LMO3: variants seen among roughly 807,000 people sequenced by gnomAD.
LMO3 encodes LIM domain only 3.
In LMO3, 2 loss-of-function variants were observed where a neutral mutation model predicts 15.8. The observed-to-expected ratio is 0.13, with a 90% confidence interval of 0.05 to 0.40. The LOEUF (loss-of-function observed/expected upper bound fraction) is 0.40. LMO3 is among the 10% of genes least tolerant of loss of function. The pLI, the probability that LMO3 is intolerant of heterozygous loss-of-function variation, is 0.99. For synonymous variants in LMO3, 62 were observed against 63.8 expected, an observed-to-expected ratio of 0.97 and a Z score of 0.13; for missense variants, 86 against 182.2, an observed-to-expected ratio of 0.47 and a Z score of 3.04.
At chr12:16,573,418 T>A (rs982117741) in intron 2 of LMO3, 2 of 152,174 alleles carry the variant, frequency 1.3e-5, no homozygotes, top group African/African-American at 4.8e-5. Context: ...TTAAAAGATA[T>A]TTGAACGCGT....
chr12:16,583,765 T>G (rs1453179461), intron 2 of LMO3, among the ~76,000 whole-genome samples: 1 of 152,012 alleles, frequency 6.6e-6, no homozygotes, highest in East Asian at 1.9e-4. Context: ...GGAGCAGTGG[T>G]GAAAATTGAG....
In LMO3 at chr12:16,606,092, G is replaced by A; in HGVS notation, c.-35C>T. On this transcript the variant is annotated 5_prime_UTR_variant, in exon 1 of 4. Transcript: ENST00000537304. ...TTCTCAATTAAGCGATACAGGGGGA[G>A]GCCGTTCAGTAAGCACAGTGGCTGC... The A allele has an allele frequency of 2.3e-6, 1 of 434,430 alleles. No homozygotes were observed. The highest frequency in any genetic ancestry group is 4.1e-6 in the Non-Finnish European group (1 of 241,618). 26.9% of individuals were successfully genotyped at this position (434,430 alleles called of 1,614,324 possible).
rs764774588 is a variant in LMO3, at chr12:16,600,827, C to T, written c.34G>A (p.Gly12Ser). 7 of 1,613,978 alleles carry T rather than the reference C, an allele frequency of 4.3e-6. No homozygotes were observed. In the East Asian group the frequency reaches 1.6e-4, roughly 36 times the overall value. Residue 12 changes from glycine (G) to serine (S), a missense_variant, in exon 2 of 4, where the codon GGT (glycine) becomes AGT (serine). Gly to Ser is a moderately conservative substitution (Grantham distance 56). Transcript: ENST00000537304. ...ATCTTTCGGTTGCAGCCAGCACAACCTTTCGGCTTGGTGTCTGGCTGGACT... is the reference window on the plus strand; with the variant it reads ...ATCTTTCGGTTGCAGCCAGCACAACTTTTCGGCTTGGTGTCTGGCTGGACT... Reference protein sequence around the residue: ...LSVQPDTKPKGCAGCNRKIKD... With the variant: ...LSVQPDTKPKSCAGCNRKIKD...
At chr12:16,580,831 T>G (rs1001841730) in intron 2 of LMO3, among the ~76,000 whole-genome samples, 4 of 152,320 alleles carry the variant, frequency 2.6e-5, no homozygotes, top group African/African-American at 7.2e-5. Context: ...TATAGTTGCT[T>G]TGCAATAAAA....
In LMO3 at chr12:16,593,925, C is replaced by T. The variant is rs1048693783; in HGVS notation, c.206+6730G>A. 3.3e-5 allele frequency among the ~76,000 whole-genome samples: 5 copies of T among 151,684 alleles called. No individual in the cohort carries two copies. The highest frequency in any genetic ancestry group is 4.8e-5 in the African/African-American group (2 of 41,384). On this transcript the variant is annotated intron_variant, in intron 2 of 3. Transcript: ENST00000537304. This position sits in a 1 kb window ranked among gnomAD's most constrained non-coding sequence, Gnocchi z 4.2. The stretch of plus-strand genomic sequence containing the variant: ...TATCATAGTAAAAACAGAACTAGAA[C>T]AGGCAGTATCAAACTCCCTCGGAGC...
At chr12:16,601,001 C>G (rs956599016) in intron 1 of LMO3, 133 bp from the exon 2 acceptor site, 1 of 668,806 alleles carries the variant, frequency 1.5e-6, no homozygotes, top group Non-Finnish European at 2.4e-6. Context: ...ATACTGAAAT[C>G]AAACCCAATT....
intron 2 of LMO3, among the ~76,000 whole-genome samples, chr12:16,581,246 A>C (rs1452951615): frequency 6.6e-6 from 1 of 152,148 alleles, no homozygotes; most frequent in African/African-American, 2.4e-5. Flanking sequence ...GCTCATAAGG[A>C]TGGGTTCTGG....
chr12:16,578,773 G>A (rs1362299142), intron 2 of LMO3, among the ~76,000 whole-genome samples: 2 of 151,810 alleles, frequency 1.3e-5, no homozygotes, highest in Non-Finnish European at 2.9e-5. Context: ...AGCCGAGATC[G>A]AGCCACTGAA....
intron 3 of LMO3, among the ~76,000 whole-genome samples, chr12:16,553,272 A>G (rs867347232): frequency 2.6e-5 from 4 of 152,154 alleles, no homozygotes; most frequent in African/African-American, 9.6e-5. Context: ...TAAAGGAAGA[A>G]AAATAACCCA....
At chr12:16,601,055 C>A (rs1268276391) in intron 1 of LMO3, among the ~76,000 whole-genome samples, 187 bp from the exon 2 acceptor site, 1 of 152,164 alleles carries the variant, frequency 6.6e-6, no homozygotes, top group Non-Finnish European at 1.5e-5. Context: ...CTTATTAAAT[C>A]ATTCAAAAAG....
At chr12:16,588,931 C>G (rs1943406292) in intron 2 of LMO3, among the ~76,000 whole-genome samples, 1 of 150,646 alleles carries the variant, frequency 6.6e-6, no homozygotes, top group African/African-American at 2.4e-5. Context: ...CCAATGTGTA[C>G]CGCTCTTTCC....
At chr12:16,588,815 C>T (rs942096829) in intron 2 of LMO3, among the ~76,000 whole-genome samples, 1 of 152,054 alleles carries the variant, frequency 6.6e-6, no homozygotes, top group East Asian at 1.9e-4. Flanking sequence ...TCTTAAACCT[C>T]TTCTTCAATC....
chr12:16,600,914 G>T, intron 1 of LMO3, 46 bp from the exon 2 acceptor site: 1 of 1,344,358 alleles, frequency 7.4e-7, no homozygotes, highest in Non-Finnish European at 1.1e-6. Flanking sequence ...CTACCAGACA[G>T]AATAAAAAGA....
intron 1 of LMO3, 192 bp downstream of exon 1, chr12:16,605,874 A>G (rs552046502): frequency 2.2e-5 from 33 of 1,508,716 alleles, no homozygotes; most frequent in Non-Finnish European, 2.9e-5. Flanking sequence ...CATGATTTAA[A>G]CAAAACCGTC....
chr12:16,601,523 A>C (rs1943823652), intron 1 of LMO3, among the ~76,000 whole-genome samples: 1 of 152,236 alleles, frequency 6.6e-6, no homozygotes, highest in Non-Finnish European at 1.5e-5. Flanking sequence ...ACTCACAAGC[A>C]TCAGTCAGCA....
chr12:16,588,357 T>C (rs1040568053), intron 2 of LMO3, among the ~76,000 whole-genome samples: 3 of 152,046 alleles, frequency 2.0e-5, no homozygotes, highest in African/African-American at 4.8e-5. Flanking sequence ...AAAAAGTTGG[T>C]ATTCAATTTC....
At position 16,606,063 on chromosome 12, in the gene LMO3, T is replaced by TA; in HGVS notation, c.-9+2dup. 1.9e-6 allele frequency: 1 copy of TA among 535,404 alleles called. No individual in the cohort carries two copies. The highest frequency in any genetic ancestry group is 3.3e-6 in the Non-Finnish European group (1 of 299,222). 33.2% of individuals were successfully genotyped at this position (535,404 alleles called of 1,614,324 possible). A position where few individuals can be genotyped will look rare whatever the true frequency, so the allele number is the denominator to read the frequency against. On this transcript the variant is annotated splice_region_variant and intron_variant, in intron 1 of 3. Coordinates refer to ENST00000537304, the MANE Select transcript of LMO3 (RefSeq NM_018640.5). The stretch of plus-strand genomic sequence containing the variant: ...CGCGTGTGTACACAGTTGCTGCACT[T>TA]ACCTTCTCAATTAAGCGATACAGGG...
chr12:16,565,347 A>G (rs752059857), intron 2 of LMO3, among the ~76,000 whole-genome samples: 43 of 152,210 alleles, frequency 2.8e-4, no homozygotes, highest in Non-Finnish European at 5.9e-4. Flanking sequence ...CATGCTTCTC[A>G]TCTACTTTCT....
rs551117426 is a variant in LMO3, at chr12:16,555,972, T to A, written c.332+4441A>T. On this transcript the variant is annotated intron_variant, in intron 3 of 3. Coordinates refer to ENST00000537304, the MANE Select transcript of LMO3 (RefSeq NM_018640.5). The surrounding 1 kb of genome is among the most constrained non-coding windows in gnomAD (Gnocchi z 5.5). ...GCTCTCTCTTCCCTCAGTATAGCTCTATTTAGCATCGATTACACTCTTCTG... is the reference window on the plus strand; with the variant it reads ...GCTCTCTCTTCCCTCAGTATAGCTCAATTTAGCATCGATTACACTCTTCTG... Among the ~76,000 whole-genome samples the A allele has an allele frequency of 3.9e-5, 6 of 152,306 alleles. No homozygotes were observed. The East Asian group carries it at 1.2e-3, about 29-fold the overall frequency.
Sources: allele counts gnomAD v4.1 joint callset (sites outside exome capture counted in the v4.1 genomes callset), GRCh38; gene constraint gnomAD v4.1.1; non-coding constraint Gnocchi (gnomAD v3.1); transcripts MANE v1.5; gene names NCBI Gene and HGNC (gene_info 2026-07-23, HGNC 2026-07-21).